The following PCDH9 variants were observed in gnomAD, a reference collection of about 807,000 sequenced individuals.
The protein encoded by PCDH9 is protocadherin-9.
A neutral mutation model predicts 70.6 loss-of-function variants in PCDH9; 24 were observed. The ratio of observed to expected loss-of-function variants is 0.34; its 90% CI spans 0.25 to 0.48. PCDH9 has a LOEUF of 0.48. Among genes scored for constraint, PCDH9 ranks in the 20% least tolerant of loss-of-function variants. The pLI is 0.99. For missense variants in PCDH9, 1,281 were observed against 1,503.6 expected (o/e 0.85, Z 2.45); for synonymous variants, 562 against 558.5 (o/e 1.01, Z -0.09).
At chr13:66,409,081 A>G (rs566451197) in intron 4 of PCDH9, among the ~76,000 whole-genome samples, 1 of 152,278 alleles carries the variant, frequency 6.6e-6, no homozygotes, top group South Asian at 2.1e-4. Context: ...GATTAAAATA[A>G]GGAGGACTAT....
At chr13:66,893,056 T>A (rs1481543789) in intron 3 of PCDH9, among the ~76,000 whole-genome samples, 1 of 152,148 alleles carries the variant, frequency 6.6e-6, no homozygotes, top group African/African-American at 2.4e-5. Context: ...GAATATGTGT[T>A]CTTTGAGTAT....
chr13:66,533,524 G>T (rs973398537), intron 4 of PCDH9, among the ~76,000 whole-genome samples: 2 of 151,920 alleles, frequency 1.3e-5, no homozygotes, highest in Non-Finnish European at 2.9e-5. Context: ...AAAAATCATT[G>T]TTCCCTGGAT....
intron 2 of PCDH9, chr13:67,204,597 T>C (rs1293760810): frequency 2.6e-5 from 4 of 152,210 alleles, no homozygotes; most frequent in African/African-American, 9.6e-5. Context: ...TCAGACTATT[T>C]AATTTGGCTC....
chr13:66,948,213 A>G (rs182764135), intron 2 of PCDH9, among the ~76,000 whole-genome samples: 1 of 152,276 alleles, frequency 6.6e-6, no homozygotes, highest in Non-Finnish European at 1.5e-5. Flanking sequence ...GGTTATTCAC[A>G]GACTTTAAAC....
intron 3 of PCDH9, among the ~76,000 whole-genome samples, chr13:66,692,844 C>G (rs552525604): frequency 1.6e-4 from 25 of 151,984 alleles, no homozygotes; most frequent in Non-Finnish European, 2.7e-4. Context: ...TATCACCAGA[C>G]AGTTAATAAC....
chr13:66,428,893 G>C (rs1768124390), intron 4 of PCDH9, among the ~76,000 whole-genome samples: 1 of 151,618 alleles, frequency 6.6e-6, no homozygotes, highest in Non-Finnish European at 1.5e-5. Flanking sequence ...AAGTTAAATT[G>C]GCTTAAAAAT....
intron 4 of PCDH9, among the ~76,000 whole-genome samples, chr13:66,531,774 G>A (rs1176670581): frequency 6.6e-6 from 1 of 152,046 alleles, no homozygotes; most frequent in Admixed American, 6.6e-5. Flanking sequence ...TTGTACTAAT[G>A]CATTAAAATA....
chr13:67,041,475 T>A (rs896587448), intron 2 of PCDH9, among the ~76,000 whole-genome samples: 1 of 152,032 alleles, frequency 6.6e-6, no homozygotes, highest in Non-Finnish European at 1.5e-5. Flanking sequence ...GCTGTAAAAA[T>A]TTTACTAACT....
intron 2 of PCDH9, among the ~76,000 whole-genome samples, chr13:66,953,027 A>G (rs1223786147): frequency 6.6e-6 from 1 of 152,164 alleles, no homozygotes; most frequent in East Asian, 1.9e-4. Context: ...AATGGACTGT[A>G]GTATTATTAC....
chr13:66,698,928 T>C (rs1376244194), intron 3 of PCDH9, among the ~76,000 whole-genome samples: 1 of 145,350 alleles, frequency 6.9e-6, no homozygotes, highest in Non-Finnish European at 1.5e-5. Flanking sequence ...GTTGTTGTTG[T>C]TGTTGAGATG....
In PCDH9 at chr13:67,191,959, C is replaced by T. The variant is rs78228211; in HGVS notation, c.3036+33446G>A. Reference sequence around the variant, plus strand: ...TTGTAAAAATTGGAGTAAATCAACACATTAAAATTAGCTTGAGTAGAAATT... The same window carrying T: ...TTGTAAAAATTGGAGTAAATCAACATATTAAAATTAGCTTGAGTAGAAATT... On this transcript the variant is annotated intron_variant, in intron 2 of 4. Transcript: ENST00000377865. Among the ~76,000 whole-genome samples, 756 of 151,710 alleles carry T rather than the reference C, an allele frequency of 5.0e-3. 4 individuals are homozygous for T. Among genetic ancestry groups the T allele is most frequent in the African/African-American group, 0.018 (737 of 41,364 alleles).
At chr13:66,828,810 A>ATAAT (rs2080869629) in intron 3 of PCDH9, among the ~76,000 whole-genome samples, 2 of 148,606 alleles carry the variant, frequency 1.3e-5, no homozygotes, top group African/African-American at 4.9e-5. Flanking sequence ...GCCATACATA[A>ATAAT]AATAATAATA....
intron 2 of PCDH9, among the ~76,000 whole-genome samples, chr13:67,073,331 A>G (rs1287519671): frequency 6.6e-6 from 1 of 152,168 alleles, no homozygotes; most frequent in African/African-American, 2.4e-5. Flanking sequence ...TAAATTTTCA[A>G]TAATATTATG....
chr13:66,788,477 A>C (rs563782206), intron 3 of PCDH9, among the ~76,000 whole-genome samples: 14 of 152,208 alleles, frequency 9.2e-5, no homozygotes, highest in African/African-American at 2.6e-4. Flanking sequence ...TTGATAGTTA[A>C]GTTGAATAGT....
chr13:66,456,957 T>G (rs1958329253), intron 4 of PCDH9, among the ~76,000 whole-genome samples: 1 of 152,138 alleles, frequency 6.6e-6, no homozygotes, highest in Non-Finnish European at 1.5e-5. Context: ...TGTGTACCCG[T>G]TCGTAATTGT....
At chr13:66,768,926 C>A (rs186753798) in intron 3 of PCDH9, among the ~76,000 whole-genome samples, 1 of 151,714 alleles carries the variant, frequency 6.6e-6, no homozygotes, top group African/African-American at 2.4e-5. Flanking sequence ...AAGAAAAGCC[C>A]GTTAACTCTA....
At chr13:66,997,845 T>A (rs1594369314) in intron 2 of PCDH9, among the ~76,000 whole-genome samples, 1 of 152,100 alleles carries the variant, frequency 6.6e-6, no homozygotes, top group East Asian at 1.9e-4. Flanking sequence ...GAGGTCATAT[T>A]TCAACATGAG....
chr13:66,601,828 T>G lies in PCDH9; in HGVS notation c.3340+29382A>C, dbSNP rs555778936. Among the ~76,000 whole-genome samples, 4 of 145,930 alleles carry G rather than the reference T, an allele frequency of 2.7e-5. 1 individual carries two copies. Among genetic ancestry groups the G allele is most frequent in the Non-Finnish European group, 4.6e-5 (3 of 64,934 alleles). On this transcript the variant is annotated intron_variant, in intron 4 of 4. Transcript: ENST00000377865. ...ATAATAATGTCATGTAAGGCATTAC[T>G]CATGTGTTTGTGGTGATGCTGGTGT...
intron 3 of PCDH9, among the ~76,000 whole-genome samples, chr13:66,765,084 C>CTCTT (rs10623373): frequency 0.98 from 148,711 of 151,344 alleles, 73,120 homozygotes; most frequent in East Asian, 1. Flanking sequence ...CTGTCTGTCT[C>CTCTT]TCTCTCTCTC....
Sources: allele counts gnomAD v4.1 joint callset (sites outside exome capture counted in the v4.1 genomes callset), GRCh38; gene constraint gnomAD v4.1.1; transcripts MANE v1.5; gene names NCBI Gene and HGNC (gene_info 2026-07-23, HGNC 2026-07-21).